AKAP6: variants seen among roughly 807,000 people sequenced by gnomAD.
AKAP6 encodes the protein A-kinase anchor protein 6.
AKAP6 carries 58 observed loss-of-function variants against 188.5 expected under a neutral mutation model. The ratio of observed to expected loss-of-function variants is 0.31; its 90% CI spans 0.25 to 0.38. AKAP6 has a LOEUF of 0.38. Among genes scored for constraint, AKAP6 ranks in the 10% least tolerant of loss-of-function variants. The pLI, the probability that AKAP6 is intolerant of heterozygous loss-of-function variation, is 1.00. For missense variants in AKAP6, 2,710 were observed against 2,740.0 expected, an observed-to-expected ratio of 0.99 and a Z score of 0.24; for synonymous variants, 989 against 998.6, an observed-to-expected ratio of 0.99 and a Z score of 0.18.
At chr14:32,460,026 C>T (rs913849905) in intron 2 of AKAP6, among the ~76,000 whole-genome samples, 2 of 152,060 alleles carry the variant, frequency 1.3e-5, no homozygotes, top group African/African-American at 4.8e-5. Context: ...TTGACAAAAC[C>T]ATACAACACC....
At chr14:32,708,492 A>G (rs1890907327) in intron 9 of AKAP6, among the ~76,000 whole-genome samples, 1 of 152,056 alleles carries the variant, frequency 6.6e-6, no homozygotes, top group South Asian at 2.1e-4. Context: ...AATTCAGAAT[A>G]TGGAAATTTA....
At position 32,695,999 on chromosome 14, in the gene AKAP6, C is replaced by T. The variant is rs774918005; in HGVS notation, c.2889C>T (p.Asp963=). ...TGCGCCTTATCTTCAGGCTTCTGGA[C>T]TTTGATTCAGAATATCAGGAGCTCT... The part of the protein sequence containing the change: ...VHSVGSNGLL[D]FDSEYQELWD... Residue 963 remains aspartate (D), a synonymous_variant, in exon 9 of 14, where the codon GAC becomes GAT. Transcript: ENST00000280979. The T allele has an allele frequency of 2.5e-6, 4 of 1,612,716 alleles. No individual in the cohort carries two copies. The highest frequency in any genetic ancestry group is 3.4e-6 in the Non-Finnish European group (4 of 1,179,556).
At chr14:32,533,106 A>G (rs1279161378) in intron 2 of AKAP6, among the ~76,000 whole-genome samples, 2 of 152,164 alleles carry the variant, frequency 1.3e-5, no homozygotes, top group Non-Finnish European at 2.9e-5. Flanking sequence ...GCTGTAGAGT[A>G]AAGGAAATCT....
chr14:32,419,667 C>T (rs1201984611), intron 1 of AKAP6, among the ~76,000 whole-genome samples: 1 of 152,034 alleles, frequency 6.6e-6, no homozygotes, highest in African/African-American at 2.4e-5. Context: ...TGGTTTTCAT[C>T]CTGAGATCAG....
At chr14:32,753,270 G>A (rs891149105) in intron 11 of AKAP6, among the ~76,000 whole-genome samples, 6 of 151,886 alleles carry the variant, frequency 4.0e-5, no homozygotes, top group African/African-American at 1.5e-4. Context: ...TCTCCTTATT[G>A]CTTTAATTTG....
At chr14:32,775,034 A>G (rs923950244) in intron 12 of AKAP6, among the ~76,000 whole-genome samples, 4 of 152,160 alleles carry the variant, frequency 2.6e-5, no homozygotes, top group Non-Finnish European at 5.9e-5. Flanking sequence ...TTTATCGTCA[A>G]TAGTTCTGTT....
intron 9 of AKAP6, among the ~76,000 whole-genome samples, chr14:32,710,546 C>A (rs143853550): frequency 6.6e-6 from 1 of 151,830 alleles, no homozygotes; most frequent in African/African-American, 2.4e-5. Context: ...TGAGGGAAAC[C>A]GAAAGCAGCC....
chr14:32,503,926 A>G (rs568926390), intron 2 of AKAP6, among the ~76,000 whole-genome samples: 2 of 152,006 alleles, frequency 1.3e-5, no homozygotes, highest in East Asian at 3.9e-4. Flanking sequence ...ATAAAAAGGC[A>G]AGTTTGTTAT....
chr14:32,758,640 G>A (rs1339557995), intron 11 of AKAP6, among the ~76,000 whole-genome samples: 1 of 152,116 alleles, frequency 6.6e-6, no homozygotes, highest in Non-Finnish European at 1.5e-5. Context: ...GGCTGAGGCA[G>A]GAGAATCGCT....
intron 12 of AKAP6, among the ~76,000 whole-genome samples, chr14:32,783,566 G>T (rs2033315757): frequency 6.6e-6 from 1 of 152,086 alleles, no homozygotes; most frequent in South Asian, 2.1e-4. Flanking sequence ...CTGGCAGTGA[G>T]TATCCTTGTC....
intron 12 of AKAP6, among the ~76,000 whole-genome samples, chr14:32,775,094 T>A (rs1471416631): frequency 6.6e-6 from 1 of 152,240 alleles, no homozygotes. Flanking sequence ...TCCAAGTTAT[T>A]ACTAGTAATC....
intron 4 of AKAP6, among the ~76,000 whole-genome samples, chr14:32,551,721 C>T (rs185284435): frequency 2.6e-5 from 4 of 151,702 alleles, no homozygotes; most frequent in South Asian, 2.1e-4. Flanking sequence ...TGCAGTGGCA[C>T]GATCTCGGCT....
At chr14:32,433,995 T>C (rs1043780261) in intron 2 of AKAP6, 178 bp downstream of exon 2, 3 of 626,084 alleles carry the variant, frequency 4.8e-6, no homozygotes, top group Non-Finnish European at 8.1e-6. Context: ...CTGATTTTAC[T>C]ACATGTGCTG....
At chr14:32,367,105 T>C (rs964247773) in intron 1 of AKAP6, among the ~76,000 whole-genome samples, 3 of 152,190 alleles carry the variant, frequency 2.0e-5, no homozygotes, top group African/African-American at 7.2e-5. Context: ...CTGGGAACAG[T>C]GGTCTACTCC....
At chr14:32,705,847 A>G (rs1030203891) in intron 9 of AKAP6, among the ~76,000 whole-genome samples, 1 of 152,148 alleles carries the variant, frequency 6.6e-6, no homozygotes, top group African/African-American at 2.4e-5. Flanking sequence ...TGGCACAGCC[A>G]CCGTCTTAAA....
intron 1 of AKAP6, chr14:32,403,394 C>T (rs1258947458): frequency 1.3e-5 from 2 of 152,106 alleles, no homozygotes; most frequent in African/African-American, 4.8e-5. Flanking sequence ...AACTGTTGTT[C>T]CTGAAAGAGA....
At chr14:32,333,383 C>T (rs567607904) in intron 1 of AKAP6, among the ~76,000 whole-genome samples, 1 of 152,222 alleles carries the variant, frequency 6.6e-6, no homozygotes, top group Non-Finnish European at 1.5e-5. Context: ...TTGAATATCT[C>T]CTATATGCCA....
intron 11 of AKAP6, among the ~76,000 whole-genome samples, chr14:32,737,408 C>T (rs954818541): frequency 3.0e-4 from 46 of 152,078 alleles, no homozygotes; most frequent in African/African-American, 1.1e-3. Flanking sequence ...AGAATGGAAG[C>T]AAATGTTTGT....
intron 12 of AKAP6, among the ~76,000 whole-genome samples, chr14:32,803,267 A>G (rs2033998706): frequency 6.7e-6 from 1 of 148,546 alleles, no homozygotes; most frequent in African/African-American, 2.5e-5. Flanking sequence ...AACATGGGGA[A>G]ACCCCGTCTC....
Sources: allele counts gnomAD v4.1 joint callset (sites outside exome capture counted in the v4.1 genomes callset), GRCh38; gene constraint gnomAD v4.1.1; transcripts MANE v1.5; gene names NCBI Gene and HGNC (gene_info 2026-07-23, HGNC 2026-07-21).